The following CNGB3 variants were observed in gnomAD, a reference collection of about 807,000 sequenced individuals.
CNGB3 encodes cyclic nucleotide-gated channel beta-3.
A neutral mutation model predicts 92.8 loss-of-function variants in CNGB3; 86 were observed. The observed-to-expected ratio is 0.93, with a 90% CI of 0.78 to 1.11. The LOEUF is 1.11. Among genes scored for constraint, CNGB3 ranks in the 50% least tolerant of loss-of-function variants. The pLI, the probability that CNGB3 is intolerant of heterozygous loss-of-function variation, is 0.00. For synonymous variants in CNGB3, 333 were observed against 332.7 expected (o/e 1.00, Z -0.01); for missense variants, 1,026 against 956.8 (o/e 1.07, Z -0.95).
chr8:86,729,260 A>G (rs534592119), intron 2 of CNGB3, among the ~76,000 whole-genome samples: 3 of 152,196 alleles, frequency 2.0e-5, no homozygotes, highest in Non-Finnish European at 4.4e-5. Flanking sequence ...TCCATCTCTC[A>G]TTCAAGCTAC....
rs75249410 is a variant in CNGB3, at chr8:86,616,126, G to A, written c.1579-4455C>T. On this transcript the variant is annotated intron_variant, in intron 13 of 17. Coordinates refer to ENST00000320005, the MANE Select transcript of CNGB3 (RefSeq NM_019098.5). ...AGGAATACACACAAGCACTTACATC[G>A]ATAGCTTTCAGCTGACGGCTTGGAT... Among the ~76,000 whole-genome samples, 1,020 of 152,206 alleles carry A rather than the reference G, an allele frequency of 6.7e-3. 16 individuals are homozygous for A. Among genetic ancestry groups the A allele is most frequent in the African/African-American group, 0.023 (967 of 41,520 alleles).
rs1413370312 is a variant in CNGB3, at chr8:86,667,117, C to T, written c.660G>A (p.Leu220=). ...AGGCAAGAGTGACAAGCAAGAGCCA[C>T]AGGAGATAGAGTCGATCTGGAAAAA... The part of the protein sequence containing the change: ...IDSYTDRLYL[L]WLLLVTLAYN... The change falls in exon 6 of 18, where the codon CTG becomes CTA. Residue 220 remains leucine, a synonymous_variant. Coordinates refer to ENST00000320005, the MANE Select transcript of CNGB3 (RefSeq NM_019098.5). 2 of 1,614,020 alleles carry T rather than the reference C, an allele frequency of 1.2e-6. No homozygotes were observed. Among genetic ancestry groups the T allele is most frequent in the Non-Finnish European group, 1.7e-6 (2 of 1,179,946 alleles).
In CNGB3 at chr8:86,578,758, A is replaced by G. The variant is rs1563712330; in HGVS notation, c.2034T>C (p.Thr678=). 3.1e-6 allele frequency: 5 copies of G among 1,613,828 alleles called. No homozygotes were observed. The highest frequency in any genetic ancestry group is 4.5e-5 in the East Asian group (2 of 44,858). ...PKEETPKLFK[T]LLGGTGKASL... is the part of the protein sequence containing the mutation. Reference sequence around the variant, plus strand: ...TTGCTTTTCCTGTGCCTCCTAGGAGAGTTTTAAACAGTTTGGGTGTCTCTT... The same window carrying G: ...TTGCTTTTCCTGTGCCTCCTAGGAGGGTTTTAAACAGTTTGGGTGTCTCTT... Residue 678 remains threonine (T), a synonymous_variant, in exon 17 of 18, where the codon ACT becomes ACC. Transcript: ENST00000320005.
chr8:86,668,035 G>A lies in CNGB3; in HGVS notation c.627C>T (p.Ser209=), dbSNP rs1388633304. The part of the protein sequence containing the change: ...EYLKRIKLPN[S]IDSYTDRLYL... ...TGATAATACCTGTGTATGAATCTAT[G>A]CTGTTTGGAAGTTTAATTCGCTTTA... is the stretch of plus-strand genomic sequence containing the variant. The change falls in exon 5 of 18, where the codon AGC becomes AGT. Residue 209 remains serine, a synonymous_variant. Transcript: ENST00000320005. The A allele has an allele frequency of 4.3e-6, 7 of 1,613,990 alleles. No homozygotes were observed. Among genetic ancestry groups the A allele is most frequent in the Non-Finnish European group, 5.9e-6 (7 of 1,180,002 alleles).
intron 3 of CNGB3, among the ~76,000 whole-genome samples, chr8:86,699,998 G>A (rs1230526379): frequency 6.6e-6 from 1 of 151,396 alleles, no homozygotes; most frequent in East Asian, 1.9e-4. Flanking sequence ...AAATAAAATG[G>A]CAAGACCCCC....
Position 86,720,229 on chromosome 8 carries a change from A to G in CNGB3, c.338+6302T>C, listed in dbSNP as rs533049499. Among the ~76,000 whole-genome samples, 8 of 152,326 alleles carry G rather than the reference A, an allele frequency of 5.3e-5. 1 individual carries two copies. In the East Asian group the frequency reaches 1.2e-3, roughly 22 times the overall value. ...ACAGACAACCCACAGAGTGGGAGAA[A>G]ATCTTCACAATCTATATATCTGACA... On this transcript the variant is annotated intron_variant, in intron 3 of 17. Coordinates refer to ENST00000320005, the MANE Select transcript of CNGB3 (RefSeq NM_019098.5).
chr8:86,662,812 T>C (rs543973251), intron 6 of CNGB3, among the ~76,000 whole-genome samples: 3 of 152,292 alleles, frequency 2.0e-5, no homozygotes, highest in Admixed American at 2.0e-4. Flanking sequence ...AAAGCCCTGC[T>C]TCAGTCACCC....
intron 3 of CNGB3, among the ~76,000 whole-genome samples, chr8:86,697,880 G>A (rs1324144391): frequency 1.3e-5 from 2 of 151,716 alleles, no homozygotes; most frequent in East Asian, 3.9e-4. Context: ...CTATGAGTGA[G>A]AACATGTGGT....
chr8:86,722,704 C>G (rs528722280), intron 3 of CNGB3, among the ~76,000 whole-genome samples: 59 of 152,304 alleles, frequency 3.9e-4, no homozygotes, highest in Middle Eastern at 6.8e-3. Context: ...GAAGCTGACT[C>G]TCCTGAGAGA....
At chr8:86,576,174 A>T in intron 17 of CNGB3, 44 bp from the exon 18 acceptor site, 2 of 1,591,980 alleles carry the variant, frequency 1.3e-6, no homozygotes, top group Non-Finnish European at 1.7e-6. Context: ...AATCGTAATT[A>T]AAAACATTGG....
intron 6 of CNGB3, among the ~76,000 whole-genome samples, chr8:86,663,993 T>TC (rs994956248): frequency 7.2e-5 from 11 of 152,310 alleles, no homozygotes; most frequent in Middle Eastern, 3.4e-3. Context: ...ATTGATTTTC[T>TC]CCCCCCTTGT....
intron 3 of CNGB3, among the ~76,000 whole-genome samples, chr8:86,698,780 G>A (rs1253901079): frequency 6.6e-6 from 1 of 152,164 alleles, no homozygotes; most frequent in Non-Finnish European, 1.5e-5. Flanking sequence ...TTGAAAATAA[G>A]TAAGAAAAGC....
intron 13 of CNGB3, among the ~76,000 whole-genome samples, chr8:86,620,296 G>T (rs1486817293): frequency 6.6e-6 from 1 of 152,178 alleles, no homozygotes; most frequent in African/African-American, 2.4e-5. Flanking sequence ...TTAAACAACA[G>T]AAATTATTTT....
chr8:86,657,910 C>G, intron 6 of CNGB3: 1 of 548,526 alleles, frequency 1.8e-6, no homozygotes, highest in Non-Finnish European at 3.6e-6. Flanking sequence ...ACCCCTCTGA[C>G]CACCGTGCAG....
chr8:86,717,493 G>T (rs1016653840), intron 3 of CNGB3, among the ~76,000 whole-genome samples: 2 of 151,342 alleles, frequency 1.3e-5, no homozygotes, highest in Non-Finnish European at 2.9e-5. Flanking sequence ...AACCCAGGGG[G>T]TGGAGGTTGC....
intron 15 of CNGB3, among the ~76,000 whole-genome samples, chr8:86,596,174 A>G (rs1585958028): frequency 6.6e-6 from 1 of 152,368 alleles, no homozygotes; most frequent in East Asian, 1.9e-4. Flanking sequence ...ATTTCCAGGC[A>G]CTATTTAGAG....
chr8:86,681,025 G>A (rs559341405), intron 3 of CNGB3, among the ~76,000 whole-genome samples: 6 of 152,098 alleles, frequency 3.9e-5, no homozygotes, highest in African/African-American at 7.2e-5. Context: ...ATATACACAA[G>A]TTACAGGGGC....
chr8:86,722,767 C>T (rs913429336), intron 3 of CNGB3, among the ~76,000 whole-genome samples: 7 of 152,160 alleles, frequency 4.6e-5, no homozygotes, highest in Admixed American at 1.3e-4. Context: ...CTTTTTCTGA[C>T]TTCAGACTCA....
intron 7 of CNGB3, among the ~76,000 whole-genome samples, chr8:86,651,655 G>T (rs1168035044): frequency 6.6e-6 from 1 of 151,718 alleles, no homozygotes; most frequent in African/African-American, 2.4e-5. Context: ...ACTTCTCTAG[G>T]CAGACAGTCA....
Sources: allele counts gnomAD v4.1 joint callset (sites outside exome capture counted in the v4.1 genomes callset), GRCh38; gene constraint gnomAD v4.1.1; transcripts MANE v1.5; gene names NCBI Gene and HGNC (gene_info 2026-07-23, HGNC 2026-07-21).